CHRM5: variants seen among roughly 807,000 people sequenced by gnomAD.
CHRM5 encodes cholinergic receptor muscarinic 5, also known as muscarinic acetylcholine receptor M5.
A neutral mutation model predicts 39.0 loss-of-function variants in CHRM5; 18 were observed. The observed-to-expected ratio is 0.46, with a 90% CI of 0.32 to 0.68. The LOEUF (loss-of-function observed/expected upper bound fraction) is 0.68, where lower values mean the gene tolerates loss of function less well. CHRM5 is among the 30% of genes least tolerant of loss of function. The pLI is 0.04. For missense variants in CHRM5, 515 were observed against 651.1 expected (o/e 0.79, Z 2.28); for synonymous variants, 241 against 246.3 (o/e 0.98, Z 0.20).
chr15:34,013,190 T>C (rs1412664158), intron 1 of CHRM5, among the ~76,000 whole-genome samples: 1 of 152,004 alleles, frequency 6.6e-6, no homozygotes, highest in Non-Finnish European at 1.5e-5. Context: ...GCCTCCTGAG[T>C]AGCTGGGATT....
intron 1 of CHRM5, among the ~76,000 whole-genome samples, chr15:34,026,679 T>C (rs1325738301): frequency 2.0e-5 from 3 of 152,174 alleles, no homozygotes; most frequent in South Asian, 4.1e-4. Context: ...AAAAAAATGA[T>C]AGACTATCAC....
At chr15:34,006,120 G>A (rs748396742) in intron 1 of CHRM5, among the ~76,000 whole-genome samples, 1 of 152,158 alleles carries the variant, frequency 6.6e-6, no homozygotes, top group Non-Finnish European at 1.5e-5. Flanking sequence ...GACCATCCTG[G>A]CTAACATGGT....
chr15:34,002,106 T>C (rs1267589927), intron 1 of CHRM5, among the ~76,000 whole-genome samples: 2 of 152,126 alleles, frequency 1.3e-5, no homozygotes, highest in African/African-American at 4.8e-5. Flanking sequence ...AACCATAATA[T>C]AATATCACAA....
chr15:34,000,210 C>A (rs1016794680), intron 1 of CHRM5, among the ~76,000 whole-genome samples: 1 of 152,196 alleles, frequency 6.6e-6, no homozygotes. Flanking sequence ...TATTTCTATT[C>A]TAAGCAATTA....
At chr15:33,997,784 GC>G (rs1756638236) in intron 1 of CHRM5, among the ~76,000 whole-genome samples, 1 of 151,796 alleles carries the variant, frequency 6.6e-6, no homozygotes, top group South Asian at 2.1e-4. Flanking sequence ...CATTTGCTCT[GC>G]TAAACTGTAA....
chr15:34,007,215 T>C (rs1171778099), intron 1 of CHRM5: 1 of 250,284 alleles, frequency 4.0e-6, no homozygotes, highest in Non-Finnish European at 6.3e-6. Context: ...CTAGAAAGAG[T>C]AGCTTAATGT....
chr15:34,043,126 A>G (rs1362773958), intron 1 of CHRM5, among the ~76,000 whole-genome samples: 3 of 152,124 alleles, frequency 2.0e-5, no homozygotes, highest in East Asian at 1.9e-4. Context: ...GGGCGCCTGT[A>G]GTCCCAGCTA....
chr15:34,006,800 T>C (rs1897369634), intron 1 of CHRM5, among the ~76,000 whole-genome samples: 1 of 152,122 alleles, frequency 6.6e-6, no homozygotes, highest in Non-Finnish European at 1.5e-5. Flanking sequence ...AATATAATAA[T>C]AAAAAAGTTT....
chr15:34,059,712 C>A (rs555871482), intron 2 of CHRM5, among the ~76,000 whole-genome samples: 3 of 152,248 alleles, frequency 2.0e-5, no homozygotes, highest in African/African-American at 7.2e-5. Flanking sequence ...CCAGCCTCCA[C>A]CCACCTTTTG....
intron 1 of CHRM5, among the ~76,000 whole-genome samples, chr15:34,039,431 A>G (rs1292843280): frequency 6.6e-6 from 1 of 152,152 alleles, no homozygotes; most frequent in African/African-American, 2.4e-5. Flanking sequence ...GTTTAAACGT[A>G]TGTATTTGCA....
At chr15:33,972,180 A>G (rs901885391) in intron 1 of CHRM5, 5 of 152,244 alleles carry the variant, frequency 3.3e-5, no homozygotes, top group Admixed American at 6.5e-5. Context: ...CATGTTGGTT[A>G]AATTCACAGA....
At position 34,063,148 on chromosome 15, in the gene CHRM5, C is replaced by G. The variant is rs146231539; in HGVS notation, c.431C>G (p.Pro144Arg). 6.2e-7 allele frequency: 1 copy of G among 1,614,032 alleles called. No homozygotes were observed. The highest frequency in any genetic ancestry group is 8.5e-7 in the Non-Finnish European group (1 of 1,180,038). ...TTGACATATCGGGCCAAGCGTACTC[C>G]GAAAAGGGCTGGCATCATGATTGGC... ...RPLTYRAKRT[P>R]KRAGIMIGLA... Residue 144 changes from proline to arginine, a missense_variant, in exon 3 of 3, where the codon CCG becomes CGG. Transcript: ENST00000383263. The surrounding 1 kb of genome is among the most constrained non-coding windows in gnomAD (Gnocchi z 4.1).
intron 1 of CHRM5, among the ~76,000 whole-genome samples, chr15:33,978,048 CGA>C (rs1895963695): frequency 6.7e-6 from 1 of 149,352 alleles, no homozygotes; most frequent in East Asian, 2.0e-4. Flanking sequence ...GAGGAGGAAG[CGA>C]GAGAGGTAGG....
intron 1 of CHRM5, among the ~76,000 whole-genome samples, chr15:33,977,312 A>T (rs1010943483): frequency 5.3e-5 from 8 of 152,232 alleles, no homozygotes; most frequent in African/African-American, 1.9e-4. Context: ...TATTGGTAGG[A>T]TAGAAAGATC....
chr15:33,993,480 A>C (rs1896810154), intron 1 of CHRM5, among the ~76,000 whole-genome samples: 1 of 152,194 alleles, frequency 6.6e-6, no homozygotes, highest in Admixed American at 6.5e-5. Context: ...GTGTGGCACA[A>C]GTGGAAGGAG....
At chr15:33,987,948 G>C (rs1567451323) in intron 1 of CHRM5, among the ~76,000 whole-genome samples, 1 of 152,168 alleles carries the variant, frequency 6.6e-6, no homozygotes. Context: ...CTCTGTGACT[G>C]TCTACACAAG....
At chr15:34,008,006 A>G (rs924645226) in intron 1 of CHRM5, among the ~76,000 whole-genome samples, 1 of 152,244 alleles carries the variant, frequency 6.6e-6, no homozygotes, top group African/African-American at 2.4e-5. Flanking sequence ...ATCTTTGATT[A>G]CATCTGCAAA....
intron 1 of CHRM5, among the ~76,000 whole-genome samples, chr15:33,970,950 T>C (rs1022760012): frequency 3.9e-5 from 6 of 151,984 alleles, no homozygotes; most frequent in African/African-American, 2.4e-5. Flanking sequence ...TTCTTTCCTT[T>C]CCAAATCAAG....
At chr15:34,048,422 C>T (rs567868074) in intron 2 of CHRM5, among the ~76,000 whole-genome samples, 43 of 150,674 alleles carry the variant, frequency 2.9e-4, no homozygotes, top group Non-Finnish European at 4.7e-4. Context: ...AGCACAGCTG[C>T]TTTGCCAGAT....
Sources: gnomAD v4.1 joint callset for allele counts (sites outside exome capture counted in the v4.1 genomes callset) on GRCh38, gnomAD v4.1.1 for gene constraint, Gnocchi (gnomAD v3.1) non-coding constraint, MANE v1.5 for transcripts, NCBI Gene and HGNC (gene_info 2026-07-23, HGNC 2026-07-21) for gene names.